The following NPSR1 variants were observed in gnomAD, a reference collection of about 807,000 sequenced individuals.
The protein encoded by NPSR1 is neuropeptide S receptor.
A neutral mutation model predicts 46.9 loss-of-function variants in NPSR1; 48 were observed. That is an observed-to-expected ratio of 1.02 (90% CI 0.81 to 1.30). The LOEUF (loss-of-function observed/expected upper bound fraction) is 1.30, where lower values mean the gene tolerates loss of function less well. Among genes scored for constraint, NPSR1 ranks in the 50% most tolerant of loss-of-function variants. The probability of loss-of-function intolerance (pLI) is 0.00; values close to 1 mark genes in which losing one functional copy is unlikely to be tolerated. For synonymous variants in NPSR1, 176 were observed against 168.1 expected (o/e 1.05, Z -0.36); for missense variants, 450 against 449.5 (o/e 1.00, Z -0.01).
chr7:34,828,579 T>G (rs1311203926), intron 5 of NPSR1, among the ~76,000 whole-genome samples: 3 of 152,236 alleles, frequency 2.0e-5, no homozygotes, highest in Non-Finnish European at 4.4e-5. Flanking sequence ...ATGATGATGC[T>G]GCACCTTTTG....
chr7:34,669,201 A>G (rs1252758696), intron 1 of NPSR1, among the ~76,000 whole-genome samples: 3 of 152,206 alleles, frequency 2.0e-5, no homozygotes, highest in Non-Finnish European at 4.4e-5. Context: ...GAATTTTGGA[A>G]GCACCACATA....
intron 2 of NPSR1, among the ~76,000 whole-genome samples, chr7:34,712,090 C>G (rs1783319458): frequency 1.3e-5 from 2 of 152,222 alleles, no homozygotes; most frequent in African/African-American, 4.8e-5. Context: ...TATTCACAAT[C>G]TGCTTTGTAT....
chr7:34,843,852 G>A (rs779973066), intron 6 of NPSR1, among the ~76,000 whole-genome samples: 15 of 152,236 alleles, frequency 9.9e-5, no homozygotes, highest in Non-Finnish European at 1.8e-4. Context: ...TGACTTCGAC[G>A]CACTGAGTGG....
At chr7:34,674,185 G>A (rs1792198003) in intron 1 of NPSR1, among the ~76,000 whole-genome samples, 1 of 152,302 alleles carries the variant, frequency 6.6e-6, no homozygotes, top group South Asian at 2.1e-4. Context: ...GGTAGGGTGA[G>A]ATGTGGGAAG....
At chr7:34,842,812 T>C (rs1273591792) in intron 6 of NPSR1, among the ~76,000 whole-genome samples, 1 of 152,246 alleles carries the variant, frequency 6.6e-6, no homozygotes, top group South Asian at 2.1e-4. Flanking sequence ...TTCAATGGCC[T>C]GCGGCCGCCT....
intron 1 of NPSR1, among the ~76,000 whole-genome samples, chr7:34,677,143 T>G (rs1792359342): frequency 6.6e-6 from 1 of 152,210 alleles, no homozygotes; most frequent in Non-Finnish European, 1.5e-5. Context: ...AATGCAGATC[T>G]GAGCCCCGGG....
intron 2 of NPSR1, among the ~76,000 whole-genome samples, chr7:34,735,552 A>T (rs534948475): frequency 8.7e-4 from 133 of 152,360 alleles, no homozygotes; most frequent in Non-Finnish European, 1.6e-3. Flanking sequence ...TTAGTAGAAT[A>T]TAAGAGCTGA....
At chr7:34,821,970 C>G (rs1312612659) in intron 4 of NPSR1, among the ~76,000 whole-genome samples, 2 of 152,108 alleles carry the variant, frequency 1.3e-5, no homozygotes, top group African/African-American at 4.8e-5. Context: ...AGGGGGAGAC[C>G]TGCATCTGGA....
intron 2 of NPSR1, among the ~76,000 whole-genome samples, chr7:34,765,075 T>C (rs1216481047): frequency 6.6e-6 from 1 of 152,158 alleles, no homozygotes; most frequent in Non-Finnish European, 1.5e-5. Context: ...CTGAAGCCCA[T>C]AGGAGGCTGA....
At chr7:34,751,237 T>G in intron 2 of NPSR1, 1 of 1,053,014 alleles carries the variant, frequency 9.5e-7, no homozygotes, top group Non-Finnish European at 1.5e-6. Flanking sequence ...AACGATGAGA[T>G]TAGACCGGAC....
chr7:34,681,802 C>T (rs1159043370), intron 1 of NPSR1, among the ~76,000 whole-genome samples: 2 of 150,366 alleles, frequency 1.3e-5, no homozygotes, highest in African/African-American at 5.0e-5. Flanking sequence ...TCTAAATCCC[C>T]TAAATCTTTC....
chr7:34,804,904 A>G (rs979942160), intron 3 of NPSR1, among the ~76,000 whole-genome samples: 1 of 152,030 alleles, frequency 6.6e-6, no homozygotes, highest in Non-Finnish European at 1.5e-5. Context: ...AGCAATTACC[A>G]AGTTGAGATT....
chr7:34,674,682 T>C (rs1327378260), intron 1 of NPSR1, among the ~76,000 whole-genome samples: 1 of 152,204 alleles, frequency 6.6e-6, no homozygotes, highest in Non-Finnish European at 1.5e-5. Flanking sequence ...ACAACCTTCC[T>C]AAAACAAACC....
chr7:34,760,347 A>G (rs1786109048), intron 2 of NPSR1, among the ~76,000 whole-genome samples: 3 of 152,216 alleles, frequency 2.0e-5, no homozygotes, highest in Admixed American at 2.0e-4. Flanking sequence ...TTTACTAAAC[A>G]TTTTACATAA....
At chr7:34,666,566 G>A (rs1286343005) in intron 1 of NPSR1, among the ~76,000 whole-genome samples, 2 of 151,968 alleles carry the variant, frequency 1.3e-5, no homozygotes, top group Admixed American at 6.6e-5. Flanking sequence ...AAAAGCCAAG[G>A]GAATCTTAGC....
intron 4 of NPSR1, among the ~76,000 whole-genome samples, chr7:34,826,398 C>T (rs375945315): frequency 6.6e-6 from 1 of 152,174 alleles, no homozygotes; most frequent in East Asian, 1.9e-4. Flanking sequence ...AGCTCGACCA[C>T]AGTCAACACA....
chr7:34,720,478 G>A (rs1783800551), intron 2 of NPSR1, among the ~76,000 whole-genome samples: 1 of 152,128 alleles, frequency 6.6e-6, no homozygotes, highest in South Asian at 2.1e-4. Flanking sequence ...GGATGTAGGG[G>A]CAGACATAAG....
chr7:34,719,303 C>G (rs536021216), intron 2 of NPSR1: 1 of 152,202 alleles, frequency 6.6e-6, no homozygotes, highest in Non-Finnish European at 1.5e-5. Context: ...ATATGTGGAC[C>G]GTGCACTTCT....
At chr7:34,776,322 A>G (rs998998991) in intron 2 of NPSR1, among the ~76,000 whole-genome samples, 1 of 152,140 alleles carries the variant, frequency 6.6e-6, no homozygotes, top group Admixed American at 6.6e-5. Flanking sequence ...CTATTATTGT[A>G]TGGGGTCTAT....
Sources: gnomAD v4.1 joint callset for allele counts (sites outside exome capture counted in the v4.1 genomes callset) on GRCh38, gnomAD v4.1.1 for gene constraint, MANE v1.5 for transcripts, NCBI Gene and HGNC (gene_info 2026-07-23, HGNC 2026-07-21) for gene names.